Variants in RAP1GAP observed in about 807,000 individuals in gnomAD.
RAP1GAP encodes the protein rap1 GTPase-activating protein 1.
RAP1GAP carries 35 observed loss-of-function variants against 87.2 expected under a neutral mutation model. That is an observed-to-expected ratio of 0.40 (90% CI 0.31 to 0.53). The LOEUF (loss-of-function observed/expected upper bound fraction) is 0.53, where lower values mean the gene tolerates loss of function less well. Among genes scored for constraint, RAP1GAP ranks in the 20% least tolerant of loss-of-function variants. The pLI is 0.48. For synonymous variants in RAP1GAP, 375 were observed against 363.9 expected, an observed-to-expected ratio of 1.03 and a Z score of -0.35; for missense variants, 734 against 898.9, an observed-to-expected ratio of 0.82 and a Z score of 2.35.
chr1:21,630,704 C>A (rs576960957), intron 2 of RAP1GAP, among the ~76,000 whole-genome samples: 1 of 151,676 alleles, frequency 6.6e-6, no homozygotes, highest in Non-Finnish European at 1.5e-5. Flanking sequence ...GGTGTGTGCT[C>A]GGCTAATTAA....
intron 1 of RAP1GAP, among the ~76,000 whole-genome samples, chr1:21,658,939 C>A (rs2096976347): frequency 1.2e-5 from 1 of 80,200 alleles, no homozygotes; most frequent in Non-Finnish European, 2.3e-5. Context: ...AAATGAAGAA[C>A]GCTTTTTTTT....
chr1:21,603,782 G>A lies in RAP1GAP; in HGVS notation c.1429-869C>T. On this transcript the variant is annotated intron_variant, in intron 18 of 24. Transcript: ENST00000374765. This position sits in a 1 kb window ranked among gnomAD's most constrained non-coding sequence, Gnocchi z 6.0. The stretch of plus-strand genomic sequence containing the variant: ...ATGGCCTCCGTCCTGAGAGCGAGCA[G>A]AGAACAGCGCGTGCAGGCAGCCTCC... The A allele has an allele frequency of 2.6e-6, 4 of 1,547,156 alleles. No individual in the cohort carries two copies. Among genetic ancestry groups the A allele is most frequent in the Non-Finnish European group, 3.6e-6 (4 of 1,120,220 alleles).
In RAP1GAP at chr1:21,614,021, G is replaced by T; in HGVS notation, c.360C>A (p.Val120=). The T allele has an allele frequency of 6.2e-7, 1 of 1,612,750 alleles. No homozygotes were observed. The highest frequency in any genetic ancestry group is 1.1e-5 in the South Asian group (1 of 90,756). ...GHLVFSLKYD[V]IGDQEHLRLL... ...GCCGCAGGTGCTCTTGGTCCCCGAT[G>T]ACATCGTACTTGAGTGAGAAGACAA... The change falls in exon 8 of 25, where the codon GTC becomes GTA. Residue 120 remains valine (V), a synonymous_variant. Coordinates refer to ENST00000374765, the MANE Select transcript of RAP1GAP (RefSeq NM_002885.4).
chr1:21,626,619 C>T (rs1295399959), intron 2 of RAP1GAP, among the ~76,000 whole-genome samples: 1 of 152,136 alleles, frequency 6.6e-6, no homozygotes, highest in Non-Finnish European at 1.5e-5. Context: ...GGGTCTCTCC[C>T]CAAGCTCTCC....
intron 1 of RAP1GAP, among the ~76,000 whole-genome samples, chr1:21,662,739 A>G (rs1571529629): frequency 6.6e-6 from 1 of 152,076 alleles, no homozygotes; most frequent in East Asian, 1.9e-4. Context: ...TTCTGCATGC[A>G]GTACACAGAA....
chr1:21,619,308 C>T (rs1007465471), intron 4 of RAP1GAP, among the ~76,000 whole-genome samples: 5 of 151,922 alleles, frequency 3.3e-5, no homozygotes, highest in African/African-American at 4.8e-5. Flanking sequence ...TCTGCGGGAA[C>T]GCACGTGCCG....
intron 2 of RAP1GAP, among the ~76,000 whole-genome samples, chr1:21,647,879 G>T (rs972940123): frequency 5.3e-5 from 8 of 152,186 alleles, no homozygotes; most frequent in African/African-American, 1.9e-4. Flanking sequence ...GGAAGTGGAG[G>T]GACATCAAGG....
chr1:21,601,876 G>T (rs578059366), intron 19 of RAP1GAP, 79 bp from the exon 20 acceptor site: 2 of 1,008,452 alleles, frequency 2.0e-6, no homozygotes, highest in East Asian at 5.2e-5. Context: ...AGGCGGTGAG[G>T]GGAGTCACGG....
At chr1:21,599,467 G>T in intron 21 of RAP1GAP, 27 bp downstream of exon 21, 1 of 1,595,980 alleles carries the variant, frequency 6.3e-7, no homozygotes. Context: ...GCTCCTGTGG[G>T]GCCCCTGACC....
At chr1:21,644,778 TG>T (rs907825789) in intron 2 of RAP1GAP, among the ~76,000 whole-genome samples, 2 of 151,668 alleles carry the variant, frequency 1.3e-5, no homozygotes, top group Admixed American at 1.3e-4. Flanking sequence ...GGCAGGCGCC[TG>T]TAATCCCAGC....
Position 21,603,717 on chromosome 1 carries a change from C to T in RAP1GAP, c.1429-804G>A. On this transcript the variant is annotated intron_variant, in intron 18 of 24. Coordinates refer to ENST00000374765, the MANE Select transcript of RAP1GAP (RefSeq NM_002885.4). The surrounding 1 kb of genome is among the most constrained non-coding windows in gnomAD (Gnocchi z 6.0). Reference sequence around the variant, plus strand: ...CTGCCGCCACTCCATCCCGCACGCCCTGGGGCCTGTCCCGGGGGCAGAGGG... The same window carrying T: ...CTGCCGCCACTCCATCCCGCACGCCTTGGGGCCTGTCCCGGGGGCAGAGGG... 1 of 1,149,318 alleles carries T rather than the reference C, an allele frequency of 8.7e-7. No individual in the cohort carries two copies. Among genetic ancestry groups the T allele is most frequent in the Non-Finnish European group, 1.3e-6 (1 of 763,646 alleles). The allele number at this position is 1,149,318 out of a possible 1,614,324, so 71.2% of individuals were successfully genotyped here.
chr1:21,609,461 G>A lies in RAP1GAP; in HGVS notation c.1071+114C>T. 1.7e-6 allele frequency: 1 copy of A among 600,180 alleles called. No homozygotes were observed. The highest frequency in any genetic ancestry group is 3.1e-5 in the Admixed American group (1 of 32,360). The allele number at this position is 600,180 out of a possible 1,614,324, so 37.2% of individuals were successfully genotyped here. Reference sequence around the variant, plus strand: ...CCCCGGTTGCAGTTAGGGGAGCCCAGCTGCCCTGGCATACAATGAGACTTT... The same window carrying A: ...CCCCGGTTGCAGTTAGGGGAGCCCAACTGCCCTGGCATACAATGAGACTTT... On this transcript the variant is annotated intron_variant, in intron 15 of 24. Transcript: ENST00000374765. This position sits in a 1 kb window ranked among gnomAD's most constrained non-coding sequence, Gnocchi z 4.4.
At chr1:21,620,131 G>T in intron 3 of RAP1GAP, 81 bp from the exon 4 acceptor site, 1 of 1,501,410 alleles carries the variant, frequency 6.7e-7, no homozygotes, top group Admixed American at 1.7e-5. Flanking sequence ...GGCCCTCCGG[G>T]TCCCACCAGC....
Position 21,650,074 on chromosome 1 carries a change from G to T in RAP1GAP, c.-148-278C>A, listed in dbSNP as rs568932997. On this transcript the variant is annotated intron_variant, in intron 1 of 24. Transcript: ENST00000374765. ...AGGGCTGTGGGGTGTTAGCAGGGGT[G>T]GGGGGACAGGTGGAGTAGGACAGTG... is the stretch of plus-strand genomic sequence containing the variant. Among the ~76,000 whole-genome samples, 33 of 151,922 alleles carry T rather than the reference G, an allele frequency of 2.2e-4. No individual in the cohort carries two copies. The South Asian group carries it at 3.5e-3, about 16-fold the overall frequency.
chr1:21,639,775 G>A (rs1571169435), intron 2 of RAP1GAP, among the ~76,000 whole-genome samples: 2 of 152,192 alleles, frequency 1.3e-5, no homozygotes, highest in Non-Finnish European at 2.9e-5. Flanking sequence ...GGTGGGCGGG[G>A]CAGCGTCTGA....
intron 1 of RAP1GAP, among the ~76,000 whole-genome samples, chr1:21,665,851 A>G (rs1240272476): frequency 1.3e-5 from 2 of 152,228 alleles, no homozygotes; most frequent in Non-Finnish European, 2.9e-5. Flanking sequence ...TGCACTCTGC[A>G]GGAAGTCATC....
intron 21 of RAP1GAP, 123 bp downstream of exon 21, chr1:21,599,371 G>T: frequency 7.1e-7 from 1 of 1,403,766 alleles, no homozygotes. Context: ...GCTCCTTTGG[G>T]CCGGGTCCCC....
rs74369395 is a variant in RAP1GAP at position 21,611,788 on chromosome 1, T to C, written c.641A>G (p.Asn214Ser). 35 of 1,613,728 alleles carry C rather than the reference T, an allele frequency of 2.2e-5. No homozygotes were observed. Among genetic ancestry groups the C allele is most frequent in the Admixed American group, 3.3e-5 (2 of 60,012 alleles). The change falls in exon 12 of 25, where the codon AAT (asparagine) becomes AGT (serine). Residue 214 changes from asparagine to serine, a missense_variant. This residue lies in a region of RAP1GAP where 485 missense variants were observed against 646.2 expected (regional missense o/e 0.75). Transcript: ENST00000374765. Reference protein sequence around the residue: ...QTSEEELFSTNEESPAFVEFL... With the variant: ...QTSEEELFSTSEESPAFVEFL... ...CTCCACGAAAGCGGGACTTTCCTCA[T>C]TGGTGCTGAAGAGTTCTTCCTCGGA...
At chr1:21,626,974 C>CGGCT (rs1558760074) in intron 2 of RAP1GAP, 1 of 456,734 alleles carries the variant, frequency 2.2e-6, no homozygotes, top group Non-Finnish European at 4.4e-6. Context: ...AGAGGTCACA[C>CGGCT]GGCTGGCCGG....
Sources: allele counts gnomAD v4.1 joint callset (sites outside exome capture counted in the v4.1 genomes callset), GRCh38; gene constraint gnomAD v4.1.1; regional missense constraint gnomAD v4.1.1; non-coding constraint Gnocchi (gnomAD v3.1); transcripts MANE v1.5; gene names NCBI Gene and HGNC (gene_info 2026-07-23, HGNC 2026-07-21).